The following LARGE1 variants were observed in gnomAD, a reference collection of about 807,000 sequenced individuals.
LARGE1 encodes the protein xylosyl- and glucuronyltransferase LARGE1.
Under a neutral mutation model 87.6 loss-of-function variants are expected in LARGE1, and 43 were observed. The observed-to-expected ratio is 0.49, with a 90% CI of 0.38 to 0.63. The LOEUF (loss-of-function observed/expected upper bound fraction) is 0.63. Ranked by LOEUF, LARGE1 falls within the 30% of genes least tolerant of loss-of-function variation. The pLI is 0.00. For missense variants in LARGE1, 802 were observed against 1,000.2 expected (o/e 0.80, Z 2.67); for synonymous variants, 434 against 394.6 (o/e 1.10, Z -1.18).
downstream of LARGE1, among the ~76,000 whole-genome samples, chr22:33,158,324 C>T (rs929417932): frequency 1.3e-5 from 2 of 152,026 alleles, no homozygotes; most frequent in African/African-American, 4.8e-5. Context: ...GAAACAACTG[C>T]TCAATTATTG....
chr22:33,628,116 A>G (rs763729115), intron 3 of LARGE1, among the ~76,000 whole-genome samples: 1 of 152,166 alleles, frequency 6.6e-6, no homozygotes, highest in Admixed American at 6.5e-5. Flanking sequence ...AGAGGAGGGG[A>G]GATGCAAGAG....
intron 11 of LARGE1, among the ~76,000 whole-genome samples, chr22:33,185,214 A>C (rs1462934699): frequency 1.3e-5 from 2 of 152,164 alleles, no homozygotes; most frequent in African/African-American, 4.8e-5. Context: ...ATGGAATATT[A>C]TTCAGTGACA....
In LARGE1 at chr22:33,419,664, C is replaced by T. The variant is rs1172349754; in HGVS notation, c.892+12497G>A. On this transcript the variant is annotated intron_variant, in intron 7 of 14. Coordinates refer to ENST00000397394, the MANE Select transcript of LARGE1 (RefSeq NM_133642.5). ...TAGTGGTATTTGTGGCCAGATGAAT[C>T]TTTGTTTTTGTTGTTGTTGTTGTTG... is the stretch of plus-strand genomic sequence containing the variant. Among the ~76,000 whole-genome samples, 7 of 117,320 alleles carry T rather than the reference C, an allele frequency of 6.0e-5. No individual in the cohort carries two copies. In the East Asian group the frequency reaches 1.4e-3, roughly 24 times the overall value. The allele number at this position is 117,320 out of a possible 152,430, so 77.0% of individuals were successfully genotyped here.
chr22:33,407,987 T>C (rs1384310828), intron 7 of LARGE1, among the ~76,000 whole-genome samples: 6 of 151,866 alleles, frequency 4.0e-5, no homozygotes, highest in African/African-American at 4.8e-5. Context: ...TAAACTTTTT[T>C]TTTTTTTTTT....
chr22:33,686,317 C>A (rs542131481), intron 2 of LARGE1, among the ~76,000 whole-genome samples: 4 of 151,922 alleles, frequency 2.6e-5, no homozygotes, highest in South Asian at 2.1e-4. Flanking sequence ...TGGTTCGAAC[C>A]CCTGTTCAAG....
intron 1 of LARGE1, among the ~76,000 whole-genome samples, chr22:33,876,821 A>T (rs1362458313): frequency 6.6e-6 from 1 of 151,952 alleles, no homozygotes; most frequent in African/African-American, 2.4e-5. Flanking sequence ...AAAACAACAT[A>T]AAAAAATAAA....
At chr22:33,659,546 G>C (rs965392882) in intron 2 of LARGE1, among the ~76,000 whole-genome samples, 2 of 152,092 alleles carry the variant, frequency 1.3e-5, no homozygotes, top group African/African-American at 4.8e-5. Flanking sequence ...CAAAAGCATG[G>C]AATCAGATTT....
chr22:33,886,077 T>C (rs1274252259), intron 1 of LARGE1, among the ~76,000 whole-genome samples: 1 of 151,926 alleles, frequency 6.6e-6, no homozygotes, highest in Non-Finnish European at 1.5e-5. Context: ...CCAGGAAGGG[T>C]ATCACTGAAT....
intron 6 of LARGE1, among the ~76,000 whole-genome samples, chr22:33,463,838 A>G (rs1371930066): frequency 6.6e-6 from 1 of 152,044 alleles, no homozygotes; most frequent in African/African-American, 2.4e-5. Flanking sequence ...ACGCTCAGCT[A>G]ATTTTTGTAT....
chr22:33,103,141 G>A, the LARGE1 span, among the ~76,000 whole-genome samples: 10 of 152,074 alleles, frequency 6.6e-5, no homozygotes, highest in African/African-American at 2.2e-4. Flanking sequence ...CTTTAAAAAG[G>A]GAGATCATTC....
intron 2 of LARGE1, among the ~76,000 whole-genome samples, chr22:33,735,869 A>T (rs1569415714): frequency 6.6e-6 from 1 of 152,206 alleles, no homozygotes; most frequent in Non-Finnish European, 1.5e-5. Flanking sequence ...CTGACATTTC[A>T]TATAAATGGA....
intron 2 of LARGE1, among the ~76,000 whole-genome samples, chr22:33,718,222 C>G (rs910030124): frequency 6.6e-6 from 1 of 152,204 alleles, no homozygotes; most frequent in African/African-American, 2.4e-5. Context: ...TACCAACAGG[C>G]TGACCAAAGA....
At chr22:33,213,898 C>T (rs1341674659) in intron 11 of LARGE1, among the ~76,000 whole-genome samples, 1 of 152,038 alleles carries the variant, frequency 6.6e-6, no homozygotes, top group African/African-American at 2.4e-5. Context: ...GCGCAATCTC[C>T]GCTCACTGCA....
the LARGE1 span, among the ~76,000 whole-genome samples, chr22:33,070,226 T>A: frequency 6.6e-6 from 1 of 152,254 alleles, no homozygotes; most frequent in African/African-American, 2.4e-5. Context: ...TTCACATTTG[T>A]ATTACCTGTG....
At chr22:33,887,268 T>C (rs1355888298) in intron 1 of LARGE1, among the ~76,000 whole-genome samples, 1 of 152,144 alleles carries the variant, frequency 6.6e-6, no homozygotes, top group Non-Finnish European at 1.5e-5. Flanking sequence ...CCCTCGAGAA[T>C]AGGATTACTG....
chr22:33,208,902 G>A (rs1170041200), intron 11 of LARGE1, among the ~76,000 whole-genome samples: 4 of 152,190 alleles, frequency 2.6e-5, no homozygotes, highest in Non-Finnish European at 5.9e-5. Context: ...GACATGAACT[G>A]ATTCTTTTTT....
chr22:33,381,495 ATACT>A (rs933887357), intron 9 of LARGE1, among the ~76,000 whole-genome samples: 1 of 152,144 alleles, frequency 6.6e-6, no homozygotes, highest in African/African-American at 2.4e-5. Flanking sequence ...CCTTTTTTAA[ATACT>A]TACTTCTTTG....
intron 2 of LARGE1, among the ~76,000 whole-genome samples, chr22:33,671,566 T>C (rs1324759609): frequency 1.3e-5 from 2 of 152,220 alleles, no homozygotes; most frequent in African/African-American, 4.8e-5. Flanking sequence ...TTATGCTAGA[T>C]AGAGCTAGAA....
chr22:33,394,221 C>CA (rs2065639571), intron 7 of LARGE1, among the ~76,000 whole-genome samples: 2 of 125,928 alleles, frequency 1.6e-5, no homozygotes, highest in African/African-American at 3.1e-5. Context: ...TTTTTTGAGA[C>CA]AGAGTCTCGC....
Sources: gnomAD v4.1 joint callset for allele counts (sites outside exome capture counted in the v4.1 genomes callset) on GRCh38, gnomAD v4.1.1 for gene constraint, MANE v1.5 for transcripts, NCBI Gene and HGNC (gene_info 2026-07-23, HGNC 2026-07-21) for gene names.